Variants in GET4 observed in about 807,000 individuals in gnomAD.
The protein encoded by GET4 is Golgi to ER traffic protein 4 homolog.
GET4 carries 20 observed loss-of-function variants against 40.0 expected under a neutral mutation model. The observed-to-expected ratio is 0.50, with a 90% CI of 0.35 to 0.73. GET4 has a LOEUF of 0.73. Among genes scored for constraint, GET4 ranks in the 30% least tolerant of loss-of-function variants. The pLI is 0.01. For missense variants in GET4, 557 were observed against 454.0 expected (o/e 1.23, Z -2.06); for synonymous variants, 280 against 194.6 (o/e 1.44, Z -3.65).
intron 1 of GET4, chr7:881,048 A>C (rs192128080): frequency 6.6e-6 from 1 of 152,218 alleles, no homozygotes; most frequent in Non-Finnish European, 1.5e-5. Context: ...TATTTTTTGT[A>C]GAGACGGAGT....
intron 1 of GET4, chr7:880,387 C>G (rs999072187): frequency 1.3e-5 from 2 of 152,260 alleles, no homozygotes; most frequent in Non-Finnish European, 2.9e-5. Flanking sequence ...AAAAATGGAT[C>G]TCCCCCGAAA....
At chr7:887,137 C>T (rs775296300) in intron 3 of GET4, 4 of 680,670 alleles carry the variant, frequency 5.9e-6, no homozygotes, top group East Asian at 2.9e-5. Context: ...CCTTCCCCAG[C>T]CCCCGCCTCG....
At chr7:892,148 C>T (rs1409189291) in intron 5 of GET4, 130 bp from the exon 6 acceptor site, 3 of 811,752 alleles carry the variant, frequency 3.7e-6, no homozygotes, top group African/African-American at 3.4e-5. Flanking sequence ...AGCACTGGGT[C>T]CCTCCATGGC....
intron 1 of GET4, 171 bp from the exon 2 acceptor site, chr7:885,885 G>A: frequency 1.6e-6 from 1 of 608,440 alleles, no homozygotes; most frequent in Non-Finnish European, 2.9e-6. Flanking sequence ...ATGGTCAGCA[G>A]GACACCCAGG....
intron 1 of GET4, among the ~76,000 whole-genome samples, chr7:877,511 C>T (rs1209771479): frequency 5.8e-5 from 5 of 86,468 alleles, no homozygotes; most frequent in Non-Finnish European, 9.2e-5. Context: ...CCCCGTCTCT[C>T]TCTCTTCCTG....
At position 887,408 on chromosome 7, in the gene GET4, T is replaced by G; in HGVS notation, c.355T>G (p.Ser119Ala). The G allele has an allele frequency of 6.2e-7, 1 of 1,600,316 alleles. No individual in the cohort carries two copies. The highest frequency in any genetic ancestry group is 8.5e-7 in the Non-Finnish European group (1 of 1,171,632). The change falls in exon 4 of 9, where the codon TCT becomes GCT. Residue 119 changes from serine (S) to alanine (A), a missense_variant. Coordinates refer to ENST00000265857, the MANE Select transcript of GET4 (RefSeq NM_015949.3). ...AKVFSLMDPN[S>A]PERVTFVSRA... ...AGTGTTCAGCCTGATGGACCCCAAC[T>G]CTCCTGAGCGCGTGACCTTTGTGTC...
chr7:883,909 G>C (rs1844133299), intron 1 of GET4: 6 of 1,045,632 alleles, frequency 5.7e-6, no homozygotes, highest in Non-Finnish European at 6.9e-6. Flanking sequence ...GGGGACCACT[G>C]TGTGCCCAGA....
intron 1 of GET4, chr7:884,475 G>C (rs1317870797): frequency 1.4e-6 from 1 of 738,884 alleles, no homozygotes; most frequent in African/African-American, 1.9e-5. Context: ...GGCTGACGGG[G>C]GTGCGGGGGC....
At position 893,735 on chromosome 7, in the gene GET4, C is replaced by T. The variant is rs376984995; in HGVS notation, c.747-5C>T. On this transcript the variant is annotated splice_region_variant and splice_polypyrimidine_tract_variant and intron_variant, in intron 6 of 8. Transcript: ENST00000265857. ...CCAGCACATCCCTGTGTGTCTCTGT[C>T]CCAGTGGGAAGCTGACGGTGTTCAC... is the stretch of plus-strand genomic sequence containing the variant. 3.1e-6 allele frequency: 5 copies of T among 1,592,846 alleles called. No homozygotes were observed. In the African/African-American group the frequency reaches 5.4e-5, roughly 17 times the overall value.
rs372845658 is a variant in GET4, at chr7:895,349, G to A, written c.911G>A (p.Ser304Asn). 19 of 1,581,932 alleles carry A rather than the reference G, an allele frequency of 1.2e-5. No homozygotes were observed. Among genetic ancestry groups the A allele is most frequent in the Non-Finnish European group, 1.6e-5 (18 of 1,153,486 alleles). ...YGGLLGNLLT[S>N]LMGSSEQEDG... ...TTCTTTCCAGGGAACCTTCTGACCA[G>A]CCTCATGGGCTCCTCAGAGCAGGAG... The change falls in exon 9 of 9, where the codon AGC (serine) becomes AAC (asparagine). Residue 304 changes from serine (S) to asparagine (N), a missense_variant. Ser to Asn is a conservative substitution (Grantham distance 46). Coordinates refer to ENST00000265857, the MANE Select transcript of GET4 (RefSeq NM_015949.3).
At position 886,660 on chromosome 7, in the gene GET4, C is replaced by T. The variant is rs62430799; in HGVS notation, c.316+10C>T. ...GCTGACGAGCTGCTGGGTGAGCATCCGGCCCTTCACCCCGGGACCCTGTGA... is the reference window on the plus strand; with the variant it reads ...GCTGACGAGCTGCTGGGTGAGCATCTGGCCCTTCACCCCGGGACCCTGTGA... On this transcript the variant is annotated intron_variant, in intron 3 of 8. Coordinates refer to ENST00000265857, the MANE Select transcript of GET4 (RefSeq NM_015949.3). The T allele has an allele frequency of 8.8e-6, 14 of 1,594,138 alleles. No individual in the cohort carries two copies. The highest frequency in any genetic ancestry group is 6.7e-5 in the Admixed American group (4 of 59,992).
Position 886,074 on chromosome 7 carries a change from G to A in GET4, c.174G>A (p.Lys58=), listed in dbSNP as rs748637330. ...GTGGCAGGTACATGTCCCAGAGCAA[G>A]CACACGGAGGCCCGGGAGCTCATGT... ...TLFFRYMSQS[K]HTEARELMYS... is the part of the protein sequence containing the mutation. The change falls in exon 2 of 9, where the codon AAG becomes AAA. Residue 58 remains lysine (K), a synonymous_variant. Transcript: ENST00000265857. 1.6e-5 allele frequency: 25 copies of A among 1,608,030 alleles called. No individual in the cohort carries two copies. The Admixed American group carries it at 3.7e-4, about 24-fold the overall frequency.
At chr7:888,777 C>G (rs1010584374) in intron 4 of GET4, among the ~76,000 whole-genome samples, 25 of 152,270 alleles carry the variant, frequency 1.6e-4, no homozygotes, top group African/African-American at 5.3e-4. Flanking sequence ...CATGGCTCCA[C>G]ACAGAACACG....
intron 3 of GET4, among the ~76,000 whole-genome samples, 163 bp downstream of exon 3, chr7:886,813 C>T (rs1218893706): frequency 2.0e-5 from 3 of 152,230 alleles, no homozygotes; most frequent in African/African-American, 7.2e-5. Context: ...TGAGCCAGGC[C>T]CCCTGGCTGA....
rs148309614 is a variant in GET4, at chr7:893,752, G to C, written c.759G>C (p.Thr253=). ...LLLAVDGGKL[T]VFTVLCEQYQ... is the part of the protein sequence containing the mutation. ...GTCTCTGTCCCAGTGGGAAGCTGACGGTGTTCACTGTGCTGTGTGAGCAGT... is the reference window on the plus strand; with the variant it reads ...GTCTCTGTCCCAGTGGGAAGCTGACCGTGTTCACTGTGCTGTGTGAGCAGT... Residue 253 remains threonine (T), a synonymous_variant, in exon 7 of 9, where the codon ACG becomes ACC. Transcript: ENST00000265857. 1 of 1,606,352 alleles carries C rather than the reference G, an allele frequency of 6.2e-7. No individual in the cohort carries two copies.
intron 6 of GET4, among the ~76,000 whole-genome samples, chr7:893,008 G>A (rs1438573901): frequency 2.7e-5 from 4 of 150,092 alleles, no homozygotes; most frequent in African/African-American, 9.8e-5. Context: ...GCGTGGTGGT[G>A]TTTGCAGGTG....
chr7:892,516 C>T lies in GET4; in HGVS notation c.746+98C>T, dbSNP rs1439025135. 31 of 1,336,294 alleles carry T rather than the reference C, an allele frequency of 2.3e-5. 1 individual carries two copies. The highest frequency in any genetic ancestry group is 3.0e-5 in the Non-Finnish European group (29 of 960,792). 82.8% of individuals were successfully genotyped at this position (1,336,294 alleles called of 1,614,324 possible). On this transcript the variant is annotated intron_variant, in intron 6 of 8. Coordinates refer to ENST00000265857, the MANE Select transcript of GET4 (RefSeq NM_015949.3). The stretch of plus-strand genomic sequence containing the variant: ...TGTGTGGGTGTGTGTGCAAGTGTAG[C>T]CATGGTGTGGGTAGCCGTGTGGGTA...
Position 896,299 on chromosome 7 carries a change from T to TC in GET4, c.*878dup, listed in dbSNP as rs1406277748. 1 of 152,240 alleles carries TC rather than the reference T, an allele frequency of 6.6e-6. No homozygotes were observed. The highest frequency in any genetic ancestry group is 6.5e-5 in the Admixed American group (1 of 15,288). 9.4% of individuals were successfully genotyped at this position (152,240 alleles called of 1,614,324 possible). A position where few individuals can be genotyped will look rare whatever the true frequency, so the allele number is the denominator to read the frequency against. Reference sequence around the variant, plus strand: ...ACAAAAGGGGAGACGCTCTATTTTTTCACAGTTAAATGACAGTTGTAGATT... The same window carrying TC: ...ACAAAAGGGGAGACGCTCTATTTTTTCCACAGTTAAATGACAGTTGTAGATT... On this transcript the variant is annotated 3_prime_UTR_variant, in exon 9 of 9. Transcript: ENST00000265857.
chr7:877,221 C>G lies in GET4; in HGVS notation c.155+421C>G, dbSNP rs1253685702. On this transcript the variant is annotated intron_variant, in intron 1 of 8. Transcript: ENST00000265857. Reference sequence around the variant, plus strand: ...GGTCTCGCTCTCTCTCTCTCTCTCTCTGGCCTTCTCCTTCTTCCTTTGCGT... The same window carrying G: ...GGTCTCGCTCTCTCTCTCTCTCTCTGTGGCCTTCTCCTTCTTCCTTTGCGT... Among the ~76,000 whole-genome samples the G allele has an allele frequency of 8.0e-4, 91 of 114,218 alleles. 2 individuals are homozygous for G. The highest frequency in any genetic ancestry group is 2.7e-3 in the African/African-American group (85 of 31,816). The allele number at this position is 114,218 out of a possible 152,430, so 74.9% of individuals were successfully genotyped here. A position where few individuals can be genotyped will look rare whatever the true frequency, so the allele number is the denominator to read the frequency against.
Sources: allele counts gnomAD v4.1 joint callset (sites outside exome capture counted in the v4.1 genomes callset), GRCh38; gene constraint gnomAD v4.1.1; transcripts MANE v1.5; gene names NCBI Gene and HGNC (gene_info 2026-07-23, HGNC 2026-07-21).